The following KCNT2 variants were observed in gnomAD, a reference collection of about 807,000 sequenced individuals.
KCNT2 encodes the protein potassium channel subfamily T member 2.
A neutral mutation model predicts 153.8 loss-of-function variants in KCNT2; 67 were observed. The observed-to-expected ratio is 0.44, with a 90% confidence interval of 0.36 to 0.53. The LOEUF is 0.53. KCNT2 is among the 20% of genes least tolerant of loss of function. The pLI, the probability that KCNT2 is intolerant of heterozygous loss-of-function variation, is 0.00. For synonymous variants in KCNT2, 500 were observed against 458.8 expected (o/e 1.09, Z -1.15); for missense variants, 975 against 1,354.8 (o/e 0.72, Z 4.40).
rs546132007 is a variant in KCNT2, at chr1:196,435,434, T to C, written c.639-5677A>G. Among the ~76,000 whole-genome samples, 144 of 151,436 alleles carry C rather than the reference T, an allele frequency of 9.5e-4. 1 individual carries two copies. Among genetic ancestry groups the C allele is most frequent in the African/African-American group, 2.0e-3 (82 of 41,424 alleles). On this transcript the variant is annotated intron_variant, in intron 8 of 27. Coordinates refer to ENST00000294725, the MANE Select transcript of KCNT2 (RefSeq NM_198503.5). ...ATTTGAAATGCATTTGATTTACTTA[T>C]TGAAATTCATTCTACATAAATAATG... is the stretch of plus-strand genomic sequence containing the variant.
chr1:196,244,521 A>C (rs987698796), intron 26 of KCNT2, among the ~76,000 whole-genome samples: 15 of 152,132 alleles, frequency 9.9e-5, no homozygotes, highest in African/African-American at 3.1e-4. Flanking sequence ...ATCTGACTGA[A>C]GAGCATGTGG....
chr1:196,463,609 A>G (rs757987419), intron 8 of KCNT2, among the ~76,000 whole-genome samples: 1 of 151,650 alleles, frequency 6.6e-6, no homozygotes, highest in Non-Finnish European at 1.5e-5. Context: ...CACACACACA[A>G]GACACACACA....
intron 12 of KCNT2, among the ~76,000 whole-genome samples, chr1:196,400,355 T>A (rs1232640957): frequency 6.6e-6 from 1 of 151,810 alleles, no homozygotes; most frequent in Admixed American, 6.6e-5. Context: ...TCATTATGTT[T>A]AGTGTTGTGT....
intron 25 of KCNT2, among the ~76,000 whole-genome samples, chr1:196,274,972 T>A (rs554978547): frequency 6.6e-6 from 1 of 151,876 alleles, no homozygotes; most frequent in Non-Finnish European, 1.5e-5. Context: ...TAGTAGCTAA[T>A]ACCCCCAGTG....
At chr1:196,236,497 T>G (rs1295250948) in intron 26 of KCNT2, among the ~76,000 whole-genome samples, 1 of 151,474 alleles carries the variant, frequency 6.6e-6, no homozygotes, top group African/African-American at 2.4e-5. Flanking sequence ...ATAATTACAT[T>G]ATGTTTAGAA....
At chr1:196,402,870 C>G (rs1299395860) in intron 12 of KCNT2, among the ~76,000 whole-genome samples, 1 of 151,574 alleles carries the variant, frequency 6.6e-6, no homozygotes, top group Non-Finnish European at 1.5e-5. Context: ...TAAGACATCA[C>G]TAAACACTTT....
At chr1:196,321,841 A>G (rs1337256969) in intron 19 of KCNT2, among the ~76,000 whole-genome samples, 1 of 152,008 alleles carries the variant, frequency 6.6e-6, no homozygotes, top group Non-Finnish European at 1.5e-5. Context: ...TTGTGCATTT[A>G]CATGTATTAT....
intron 13 of KCNT2, among the ~76,000 whole-genome samples, chr1:196,393,335 G>A (rs191835641): frequency 2.6e-5 from 4 of 151,384 alleles, no homozygotes; most frequent in African/African-American, 7.3e-5. Context: ...ATTCACAGAC[G>A]ACATAACACT....
chr1:196,527,004 A>C (rs1654312731), intron 1 of KCNT2, among the ~76,000 whole-genome samples: 2 of 152,144 alleles, frequency 1.3e-5, no homozygotes, highest in Non-Finnish European at 1.5e-5. Flanking sequence ...CAGGATCGCA[A>C]ACTCTATTGT....
intron 8 of KCNT2, among the ~76,000 whole-genome samples, chr1:196,432,175 G>T (rs759399753): frequency 6.6e-6 from 1 of 152,108 alleles, no homozygotes; most frequent in Non-Finnish European, 1.5e-5. Context: ...AACCTTGGTG[G>T]CATCCATGTG....
intron 1 of KCNT2, among the ~76,000 whole-genome samples, chr1:196,527,719 C>A (rs774157670): frequency 1.3e-5 from 2 of 152,060 alleles, no homozygotes; most frequent in African/African-American, 2.4e-5. Context: ...ATGAAGTTAC[C>A]ATTTGAAAAG....
chr1:196,481,637 T>C (rs959082228), intron 4 of KCNT2, among the ~76,000 whole-genome samples: 3 of 152,118 alleles, frequency 2.0e-5, no homozygotes, highest in Non-Finnish European at 4.4e-5. Flanking sequence ...ATAAAAAGGA[T>C]CTGTAGGAAG....
At chr1:196,351,839 G>A (rs1666732634) in intron 14 of KCNT2, among the ~76,000 whole-genome samples, 1 of 152,098 alleles carries the variant, frequency 6.6e-6, no homozygotes, top group Non-Finnish European at 1.5e-5. Context: ...TTGGCTGTGG[G>A]TTTGTCATAG....
intron 3 of KCNT2, among the ~76,000 whole-genome samples, chr1:196,483,326 A>G (rs1332862059): frequency 6.6e-6 from 1 of 152,120 alleles, no homozygotes; most frequent in Non-Finnish European, 1.5e-5. Flanking sequence ...CTACTACCAC[A>G]ATCACCTTAT....
At chr1:196,426,789 G>A (rs910022176) in intron 10 of KCNT2, among the ~76,000 whole-genome samples, 11 of 151,792 alleles carry the variant, frequency 7.2e-5, no homozygotes, top group African/African-American at 2.2e-4. Context: ...TGTTAAGAGA[G>A]GGGCCTGATG....
intron 12 of KCNT2, among the ~76,000 whole-genome samples, chr1:196,416,590 A>G (rs1299993516): frequency 6.6e-6 from 1 of 152,002 alleles, no homozygotes; most frequent in Non-Finnish European, 1.5e-5. Context: ...AGTTTTTCCA[A>G]CTGTTTTTCC....
chr1:196,376,673 A>G (rs556818439), intron 13 of KCNT2, among the ~76,000 whole-genome samples: 7 of 152,030 alleles, frequency 4.6e-5, no homozygotes, highest in African/African-American at 1.4e-4. Flanking sequence ...AATTTGGGTC[A>G]CTCTTGACAC....
chr1:196,539,381 T>C (rs1656033682), intron 1 of KCNT2, among the ~76,000 whole-genome samples: 1 of 152,168 alleles, frequency 6.6e-6, no homozygotes, highest in Non-Finnish European at 1.5e-5. Flanking sequence ...AGTGAGATTA[T>C]GGGTATATTT....
At chr1:196,400,591 T>C (rs551721241) in intron 12 of KCNT2, among the ~76,000 whole-genome samples, 1 of 151,840 alleles carries the variant, frequency 6.6e-6, no homozygotes, top group East Asian at 2.0e-4. Flanking sequence ...ATCTTAGTAA[T>C]AGTGAAGTAA....
Sources: allele counts gnomAD v4.1 joint callset (sites outside exome capture counted in the v4.1 genomes callset), GRCh38; gene constraint gnomAD v4.1.1; transcripts MANE v1.5; gene names NCBI Gene and HGNC (gene_info 2026-07-23, HGNC 2026-07-21).